The following CENPW variants were observed in gnomAD, a reference collection of about 807,000 sequenced individuals.
CENPW encodes centromere protein W.
CENPW carries 3 observed loss-of-function variants against 11.1 expected under a neutral mutation model. The observed-to-expected ratio is 0.27, with a 90% confidence interval of 0.12 to 0.70. CENPW has a LOEUF of 0.70. CENPW is among the 30% of genes least tolerant of loss of function. CENPW has a pLI of 0.77. For missense variants in CENPW, 100 were observed against 105.6 expected (o/e 0.95, Z 0.23); for synonymous variants, 38 against 42.0 (o/e 0.91, Z 0.37).
chr6:126,439,970 T>A, the CENPW span, among the ~76,000 whole-genome samples: 1 of 151,894 alleles, frequency 6.6e-6, no homozygotes, highest in South Asian at 2.1e-4. Context: ...TTCCATTTGA[T>A]TTCTTTACCA....
chr6:126,381,298 C>T, the CENPW span, among the ~76,000 whole-genome samples: 1 of 152,194 alleles, frequency 6.6e-6, no homozygotes, highest in African/African-American at 2.4e-5. Flanking sequence ...TTGTTGGCAG[C>T]AGTATCACCC....
At chr6:126,414,942 A>T in the CENPW span, among the ~76,000 whole-genome samples, 3 of 152,100 alleles carry the variant, frequency 2.0e-5, no homozygotes, top group Non-Finnish European at 2.9e-5. Context: ...AATACAAAGG[A>T]TCATTAGCGA....
chr6:126,398,315 CA>C, the CENPW span, among the ~76,000 whole-genome samples: 1 of 152,164 alleles, frequency 6.6e-6, no homozygotes, highest in Non-Finnish European at 1.5e-5. Flanking sequence ...TCCTTAGCAT[CA>C]TGCCTAGTGC....
At chr6:126,392,261 T>TTTTCAAATTG in the CENPW span, among the ~76,000 whole-genome samples, 6 of 151,946 alleles carry the variant, frequency 3.9e-5, no homozygotes, top group Non-Finnish European at 7.4e-5. Context: ...CTTGATTTCT[T>TTTTCAAATTG]TTTCAAATTG....
At chr6:126,411,540 A>G in the CENPW span, among the ~76,000 whole-genome samples, 1 of 152,074 alleles carries the variant, frequency 6.6e-6, no homozygotes. Flanking sequence ...CTTATCGTGC[A>G]AGTTCACTCT....
chr6:126,364,419 C>G, the CENPW span, among the ~76,000 whole-genome samples: 1 of 152,214 alleles, frequency 6.6e-6, no homozygotes, highest in South Asian at 2.1e-4. Context: ...GGTTTTTCTT[C>G]AGATAAGTTT....
chr6:126,425,295 T>C, the CENPW span, among the ~76,000 whole-genome samples: 19 of 152,232 alleles, frequency 1.2e-4, no homozygotes, highest in African/African-American at 4.6e-4. Flanking sequence ...GGACTTCAAT[T>C]GAGGTCAAAG....
chr6:126,371,942 TC>T, the CENPW span, among the ~76,000 whole-genome samples: 1 of 152,164 alleles, frequency 6.6e-6, no homozygotes, highest in African/African-American at 2.4e-5. Context: ...AAATCTTATT[TC>T]ATTTCTAATT....
At chr6:126,457,744 A>G in the CENPW span, among the ~76,000 whole-genome samples, 8 of 151,302 alleles carry the variant, frequency 5.3e-5, no homozygotes, top group Admixed American at 4.6e-4. Flanking sequence ...GACTGGCCTA[A>G]TGGAAAAGCA....
chr6:126,389,494 ACT>A, the CENPW span, among the ~76,000 whole-genome samples: 1 of 151,524 alleles, frequency 6.6e-6, no homozygotes, highest in Non-Finnish European at 1.5e-5. Flanking sequence ...CATTTCTGCA[ACT>A]CTGTCTCATC....
At chr6:126,377,175 C>T in the CENPW span, among the ~76,000 whole-genome samples, 8 of 152,088 alleles carry the variant, frequency 5.3e-5, no homozygotes. Flanking sequence ...CACTGGGTAT[C>T]AAATTTATAC....
the CENPW span, among the ~76,000 whole-genome samples, chr6:126,402,077 T>G: frequency 6.6e-6 from 1 of 152,078 alleles, no homozygotes; most frequent in Admixed American, 6.6e-5. Context: ...TTAAGTTAGT[T>G]TGAGATTTTT....
the CENPW span, among the ~76,000 whole-genome samples, chr6:126,449,702 C>A: frequency 6.6e-6 from 1 of 150,988 alleles, no homozygotes; most frequent in Non-Finnish European, 1.5e-5. Context: ...CAAACATAGC[C>A]TTCTCAACTC....
the CENPW span, among the ~76,000 whole-genome samples, chr6:126,373,049 T>C: frequency 1.3e-5 from 2 of 152,228 alleles, no homozygotes; most frequent in Non-Finnish European, 2.9e-5. Flanking sequence ...GTTGAATAAC[T>C]GTATTAATGC....
the CENPW span, among the ~76,000 whole-genome samples, chr6:126,448,489 G>A: frequency 6.6e-6 from 1 of 150,976 alleles, no homozygotes; most frequent in South Asian, 2.1e-4. Flanking sequence ...TCAAGTGTGG[G>A]GTAGTACTGT....
At chr6:126,413,337 G>A in the CENPW span, among the ~76,000 whole-genome samples, 1 of 152,022 alleles carries the variant, frequency 6.6e-6, no homozygotes, top group Admixed American at 6.5e-5. Context: ...AGCAAGAGAA[G>A]AAAAGTATCA....
the CENPW span, among the ~76,000 whole-genome samples, chr6:126,412,288 T>A: frequency 6.6e-6 from 1 of 151,692 alleles, no homozygotes; most frequent in Admixed American, 6.6e-5. Context: ...ACAGCCTGCA[T>A]TGGCTTCATC....
chr6:126,402,552 A>G, the CENPW span, among the ~76,000 whole-genome samples: 30 of 116,480 alleles, frequency 2.6e-4, no homozygotes, highest in African/African-American at 8.3e-4. Context: ...GCAACCACCA[A>G]TCTAGTTTCT....
the CENPW span, among the ~76,000 whole-genome samples, chr6:126,463,212 CT>C: frequency 6.6e-6 from 1 of 152,046 alleles, no homozygotes; most frequent in Non-Finnish European, 1.5e-5. Context: ...CACAAGAAGA[CT>C]AAAGCCCTGG....
Sources: gnomAD v4.1 joint callset for allele counts (sites outside exome capture counted in the v4.1 genomes callset) on GRCh38, gnomAD v4.1.1 for gene constraint, MANE v1.5 for transcripts, NCBI Gene and HGNC (gene_info 2026-07-23, HGNC 2026-07-21) for gene names.